FDX1: variants seen among roughly 807,000 people sequenced by gnomAD.
FDX1 encodes adrenodoxin, mitochondrial.
A neutral mutation model predicts 14.9 loss-of-function variants in FDX1; 9 were observed. The ratio of observed to expected loss-of-function variants is 0.60; its 90% CI spans 0.36 to 1.05. The LOEUF (loss-of-function observed/expected upper bound fraction) is 1.05, where lower values mean the gene tolerates loss of function less well. FDX1 is among the 50% of genes least tolerant of loss of function. FDX1 has a pLI of 0.01. For synonymous variants in FDX1, 92 were observed against 99.4 expected (o/e 0.93, Z 0.44); for missense variants, 204 against 237.2 (o/e 0.86, Z 0.92).
At chr11:110,461,266 C>T (rs1355152167) in intron 3 of FDX1, among the ~76,000 whole-genome samples, 2 of 151,968 alleles carry the variant, frequency 1.3e-5, no homozygotes, top group Admixed American at 6.6e-5. Flanking sequence ...GAGGCTGAGG[C>T]GGATAGATCA....
intron 2 of FDX1, among the ~76,000 whole-genome samples, chr11:110,438,086 A>C (rs1230824508): frequency 1.3e-5 from 2 of 152,238 alleles, no homozygotes; most frequent in Non-Finnish European, 2.9e-5. Flanking sequence ...GTGCTGAGGT[A>C]AACATACGAG....
intron 2 of FDX1, among the ~76,000 whole-genome samples, chr11:110,443,947 A>G (rs1452140418): frequency 6.6e-6 from 1 of 151,452 alleles, no homozygotes; most frequent in Admixed American, 6.6e-5. Context: ...AGTTCCCTAT[A>G]GATTCTGGAT....
At chr11:110,460,382 C>T (rs1479747053) in intron 3 of FDX1, among the ~76,000 whole-genome samples, 1 of 152,220 alleles carries the variant, frequency 6.6e-6, no homozygotes, top group Non-Finnish European at 1.5e-5. Context: ...TTCCCCTTGT[C>T]CTTGTTTACG....
At chr11:110,448,537 A>G (rs1946467061) in intron 2 of FDX1, among the ~76,000 whole-genome samples, 1 of 152,204 alleles carries the variant, frequency 6.6e-6, no homozygotes. Context: ...CAAACACTCA[A>G]GTTACATGAA....
intron 2 of FDX1, among the ~76,000 whole-genome samples, chr11:110,444,283 G>A (rs547361308): frequency 1.0e-3 from 157 of 152,096 alleles, no homozygotes; most frequent in African/African-American, 3.4e-3. Flanking sequence ...GGCTAGCCAG[G>A]CATCCCAGCA....
intron 1 of FDX1, 138 bp from the exon 2 acceptor site, chr11:110,435,696 A>G (rs1026664129): frequency 1.6e-5 from 9 of 572,810 alleles, no homozygotes; most frequent in Non-Finnish European, 2.6e-5. Flanking sequence ...AAAAATAAAA[A>G]TAAAAAAAAT....
At chr11:110,457,191 G>A (rs1328422535) in intron 3 of FDX1, 144 bp downstream of exon 3, 2 of 693,796 alleles carry the variant, frequency 2.9e-6, no homozygotes, top group East Asian at 5.9e-5. Context: ...TATCAGATAT[G>A]TGGCATTTCT....
chr11:110,438,529 G>A (rs1195315398), intron 2 of FDX1, among the ~76,000 whole-genome samples: 4 of 152,094 alleles, frequency 2.6e-5, no homozygotes, highest in South Asian at 2.1e-4. Flanking sequence ...AAGTTCAAGC[G>A]ATTCTCCTGC....
chr11:110,459,868 C>T (rs531830079), intron 3 of FDX1, among the ~76,000 whole-genome samples: 1 of 152,316 alleles, frequency 6.6e-6, no homozygotes, highest in East Asian at 1.9e-4. Context: ...CTGCCTTATT[C>T]TCTAGACTGA....
chr11:110,433,909 A>G (rs1217638977), intron 1 of FDX1, among the ~76,000 whole-genome samples: 3 of 152,246 alleles, frequency 2.0e-5, no homozygotes, highest in Non-Finnish European at 4.4e-5. Context: ...AAATTATTTA[A>G]TTCTGAGTTT....
rs201437645 is a variant in FDX1, at chr11:110,444,033, G to GT, written c.310+8083dup. On this transcript the variant is annotated intron_variant, in intron 2 of 3. Coordinates refer to ENST00000260270, the MANE Select transcript of FDX1 (RefSeq NM_004109.5). ...AGGTTGTCTGTTTACTTTGTTGATA[G>GT]TTTTTTTTGCTGTCTAGAAGCTCTT... Among the ~76,000 whole-genome samples, 847 of 151,676 alleles carry GT rather than the reference G, an allele frequency of 5.6e-3. 17 individuals are homozygous for GT. Among genetic ancestry groups the GT allele is most frequent in the East Asian group, 0.043 (223 of 5,144 alleles).
intron 2 of FDX1, among the ~76,000 whole-genome samples, chr11:110,440,047 C>G (rs939334320): frequency 1.3e-5 from 2 of 152,000 alleles, no homozygotes; most frequent in African/African-American, 4.8e-5. Flanking sequence ...TCTAGGTTTT[C>G]TAGGTTGTGT....
chr11:110,450,857 C>T (rs963455065), intron 2 of FDX1, among the ~76,000 whole-genome samples: 2 of 152,102 alleles, frequency 1.3e-5, no homozygotes, highest in South Asian at 2.1e-4. Flanking sequence ...CACATTTTCC[C>T]TGTTCATTTA....
At chr11:110,433,761 A>C (rs1012163194) in intron 1 of FDX1, among the ~76,000 whole-genome samples, 4 of 152,058 alleles carry the variant, frequency 2.6e-5, no homozygotes, top group African/African-American at 9.7e-5. Flanking sequence ...CCTTTTGATG[A>C]GTTTTAATGA....
At chr11:110,440,552 G>A (rs1946398759) in intron 2 of FDX1, among the ~76,000 whole-genome samples, 1 of 152,158 alleles carries the variant, frequency 6.6e-6, no homozygotes, top group Non-Finnish European at 1.5e-5. Context: ...TGACAGAATG[G>A]GTAAACCATG....
At chr11:110,435,773 A>G in intron 1 of FDX1, 61 bp from the exon 2 acceptor site, 1 of 1,379,432 alleles carries the variant, frequency 7.2e-7, no homozygotes. Context: ...CTTTTAAACC[A>G]ATTATTTTAA....
intron 2 of FDX1, among the ~76,000 whole-genome samples, chr11:110,440,565 A>G (rs1010363415): frequency 9.9e-5 from 15 of 152,202 alleles, no homozygotes; most frequent in African/African-American, 3.4e-4. Flanking sequence ...AAACCATGCT[A>G]TTGTTTGTGT....
chr11:110,429,533 C>G (rs1946313834), upstream of FDX1, among the ~76,000 whole-genome samples: 2 of 152,178 alleles, frequency 1.3e-5, no homozygotes, highest in Non-Finnish European at 2.9e-5. Flanking sequence ...TCATTAATTT[C>G]ATTTACAATT....
At chr11:110,457,393 T>C (rs1027759775) in intron 3 of FDX1, among the ~76,000 whole-genome samples, 1 of 143,408 alleles carries the variant, frequency 7.0e-6, no homozygotes, top group African/African-American at 2.7e-5. Context: ...AACACAATTA[T>C]AATGGAAAGT....
Sources: gnomAD v4.1 joint callset for allele counts (sites outside exome capture counted in the v4.1 genomes callset) on GRCh38, gnomAD v4.1.1 for gene constraint, MANE v1.5 for transcripts, NCBI Gene and HGNC (gene_info 2026-07-23, HGNC 2026-07-21) for gene names.